AGBL1: variants seen among roughly 807,000 people sequenced by gnomAD.
AGBL1 encodes cytosolic carboxypeptidase 4.
In AGBL1, 130 loss-of-function variants were observed where a neutral mutation model predicts 118.9. The ratio of observed to expected loss-of-function variants is 1.09; its 90% confidence interval spans 0.95 to 1.26. The LOEUF (loss-of-function observed/expected upper bound fraction) is 1.26. Ranked by LOEUF, AGBL1 falls within the 50% of genes most tolerant of loss-of-function variation. The pLI, the probability that AGBL1 is intolerant of heterozygous loss-of-function variation, is 0.00. For synonymous variants in AGBL1, 555 were observed against 478.9 expected, an observed-to-expected ratio of 1.16 and a Z score of -2.08; for missense variants, 1,584 against 1,298.1, an observed-to-expected ratio of 1.22 and a Z score of -3.38.
intron 17 of AGBL1, among the ~76,000 whole-genome samples, chr15:86,390,282 T>G (rs2081256600): frequency 6.6e-6 from 1 of 152,162 alleles, no homozygotes; most frequent in Non-Finnish European, 1.5e-5. Flanking sequence ...ATAGACAAAT[T>G]CACAATCATC....
intron 3 of AGBL1, among the ~76,000 whole-genome samples, chr15:86,150,009 A>T (rs1027312179): frequency 4.6e-5 from 7 of 152,212 alleles, no homozygotes; most frequent in African/African-American, 1.7e-4. Flanking sequence ...AAACTGAACA[A>T]CCTGCTCCTG....
chr15:86,669,709 A>G (rs865816420), intron 21 of AGBL1, among the ~76,000 whole-genome samples: 70 of 152,312 alleles, frequency 4.6e-4, no homozygotes, highest in African/African-American at 1.3e-3. Flanking sequence ...CCAGGTAGCA[A>G]TAATTTCTTA....
chr15:86,814,323 C>T (rs150500082), intron 22 of AGBL1, among the ~76,000 whole-genome samples: 1 of 152,144 alleles, frequency 6.6e-6, no homozygotes, highest in Non-Finnish European at 1.5e-5. Context: ...AAAGCCATTC[C>T]CTCCACTCTA....
chr15:86,491,105 A>G (rs1031905462), intron 18 of AGBL1, among the ~76,000 whole-genome samples: 28 of 152,108 alleles, frequency 1.8e-4, no homozygotes, highest in African/African-American at 6.8e-4. Context: ...CGAGTTCTAT[A>G]TAATTTGGTA....
intron 22 of AGBL1, among the ~76,000 whole-genome samples, chr15:86,810,819 C>G (rs576031301): frequency 6.6e-6 from 1 of 152,236 alleles, no homozygotes; most frequent in South Asian, 2.1e-4. Flanking sequence ...CTGGTATTGA[C>G]TAGACACAGT....
At chr15:86,508,155 C>T (rs1317758237) in intron 18 of AGBL1, among the ~76,000 whole-genome samples, 2 of 151,842 alleles carry the variant, frequency 1.3e-5, no homozygotes, top group African/African-American at 4.8e-5. Flanking sequence ...ATCTCTTGAC[C>T]TTGTGATCTG....
At chr15:86,237,349 A>T (rs2078568623) in intron 6 of AGBL1, among the ~76,000 whole-genome samples, 1 of 152,288 alleles carries the variant, frequency 6.6e-6, no homozygotes, top group East Asian at 1.9e-4. Flanking sequence ...GATGCTTGCA[A>T]CGCAGGGCAG....
chr15:86,347,560 A>G (rs2080558069), intron 17 of AGBL1, among the ~76,000 whole-genome samples: 1 of 152,260 alleles, frequency 6.6e-6, no homozygotes, highest in South Asian at 2.1e-4. Context: ...TTGCTCACTG[A>G]TACAGAGGTG....
intron 22 of AGBL1, among the ~76,000 whole-genome samples, chr15:86,722,610 G>C (rs1257405210): frequency 3.9e-5 from 6 of 152,322 alleles, no homozygotes; most frequent in South Asian, 4.1e-4. Context: ...AGGACTTCCT[G>C]TCTAAAACAC....
intron 18 of AGBL1, among the ~76,000 whole-genome samples, chr15:86,444,941 AT>A (rs1174902246): frequency 6.6e-6 from 1 of 152,268 alleles, no homozygotes; most frequent in Non-Finnish European, 1.5e-5. Flanking sequence ...TAACAAAAAA[AT>A]AAATTGAGAT....
intron 5 of AGBL1, among the ~76,000 whole-genome samples, chr15:86,166,951 C>G (rs1476344723): frequency 6.6e-6 from 1 of 152,126 alleles, no homozygotes; most frequent in African/African-American, 2.4e-5. Context: ...TTGTACAGCT[C>G]GTACCTCCCT....
chr15:86,573,318 A>G (rs1046797382), intron 21 of AGBL1, among the ~76,000 whole-genome samples: 1 of 152,194 alleles, frequency 6.6e-6, no homozygotes, highest in African/African-American at 2.4e-5. Flanking sequence ...AGAACTGACA[A>G]CTTCCATGTC....
chr15:86,884,737 G>A (rs1228996896), intron 22 of AGBL1, among the ~76,000 whole-genome samples: 1 of 152,180 alleles, frequency 6.6e-6, no homozygotes, highest in East Asian at 1.9e-4. Flanking sequence ...GCTTGAACCT[G>A]GGAAGCAGAG....
intron 24 of AGBL1, among the ~76,000 whole-genome samples, chr15:87,025,300 A>AT (rs546552780): frequency 2.6e-4 from 40 of 152,206 alleles, no homozygotes; most frequent in African/African-American, 9.1e-4. Flanking sequence ...TACAAAATTA[A>AT]TGTACACAAA....
At chr15:86,741,707 C>G (rs2077682625) in intron 22 of AGBL1, among the ~76,000 whole-genome samples, 1 of 151,920 alleles carries the variant, frequency 6.6e-6, no homozygotes, top group African/African-American at 2.4e-5. Context: ...TTTGAAACAC[C>G]ACAGCTTGAT....
At chr15:86,717,206 T>A (rs1219870383) in intron 22 of AGBL1, among the ~76,000 whole-genome samples, 4 of 152,122 alleles carry the variant, frequency 2.6e-5, no homozygotes, top group African/African-American at 9.7e-5. Flanking sequence ...TGATAAGAGC[T>A]GAGAACAAGG....
chr15:86,479,464 C>A (rs970701233), intron 18 of AGBL1, among the ~76,000 whole-genome samples: 1 of 152,142 alleles, frequency 6.6e-6, no homozygotes, highest in Non-Finnish European at 1.5e-5. Flanking sequence ...ATGCCACCAA[C>A]AGACACATGA....
chr15:86,474,308 A>C (rs2142108454), intron 18 of AGBL1, among the ~76,000 whole-genome samples: 1 of 152,344 alleles, frequency 6.6e-6, no homozygotes, highest in South Asian at 2.1e-4. Context: ...CAAGGGGTCA[A>C]GGAATTCCCT....
intron 20 of AGBL1, among the ~76,000 whole-genome samples, chr15:86,550,960 A>C (rs552077286): frequency 3.7e-4 from 57 of 152,052 alleles, no homozygotes; most frequent in Non-Finnish European, 6.6e-4. Context: ...TTTGGAAATT[A>C]AACAATTTGT....
Sources: gnomAD v4.1 joint callset for allele counts (sites outside exome capture counted in the v4.1 genomes callset) on GRCh38, gnomAD v4.1.1 for gene constraint, MANE v1.5 for transcripts, NCBI Gene and HGNC (gene_info 2026-07-23, HGNC 2026-07-21) for gene names.